Variants in COL11A2 observed in about 807,000 individuals in gnomAD.
COL11A2 encodes the protein collagen alpha-2(XI) chain.
A neutral mutation model predicts 273.4 loss-of-function variants in COL11A2; 116 were observed. The ratio of observed to expected loss-of-function variants is 0.42; its 90% confidence interval spans 0.36 to 0.49. The LOEUF (loss-of-function observed/expected upper bound fraction) is 0.49. Ranked by LOEUF, COL11A2 falls within the 20% of genes least tolerant of loss-of-function variation. The pLI is 0.00. For missense variants in COL11A2, 1,866 were observed against 2,309.0 expected (o/e 0.81, Z 3.93); for synonymous variants, 782 against 864.2 (o/e 0.90, Z 1.67).
chr6:33,170,838 T>C lies in COL11A2; in HGVS notation c.3446A>G (p.Asn1149Ser), dbSNP rs754703121. 2.3e-5 allele frequency: 37 copies of C among 1,612,554 alleles called. No homozygotes were observed. Among genetic ancestry groups the C allele is most frequent in the East Asian group, 8.9e-5 (4 of 44,866 alleles). The change falls in exon 46 of 66, where the codon AAT (asparagine) becomes AGT (serine). Residue 1149 changes from asparagine to serine, a missense_variant. Asn to Ser is a conservative substitution (Grantham distance 46). Transcript: ENST00000341947. The surrounding 1 kb of genome is among the most constrained non-coding windows in gnomAD (Gnocchi z 4.3). ...AKGDEGTRGFNGPPGPIGLQG... is the reference protein window; with the variant it reads ...AKGDEGTRGFSGPPGPIGLQG... ...TAGGCCAATGGGTCCTGGGGGCCCA[T>C]TGAATCCTCTTGTTCCTTCATCACC... is the stretch of plus-strand genomic sequence containing the variant.
At chr6:33,183,047 G>A (rs1771926587) in intron 8 of COL11A2, among the ~76,000 whole-genome samples, 1 of 152,178 alleles carries the variant, frequency 6.6e-6, no homozygotes, top group Admixed American at 6.5e-5. Context: ...AGGGAGGCAA[G>A]AGAGGGGAGG....
chr6:33,174,265 G>T (rs772654610), intron 31 of COL11A2, 47 bp from the exon 32 acceptor site: 2 of 1,550,948 alleles, frequency 1.3e-6, no homozygotes, highest in South Asian at 2.4e-5. Context: ...ATGAAAGGTA[G>T]GGTTCAGGAA....
In COL11A2 at chr6:33,173,041, C is replaced by T; in HGVS notation, c.2790+19G>A. On this transcript the variant is annotated intron_variant, in intron 38 of 65. Coordinates refer to ENST00000341947, the MANE Select transcript of COL11A2 (RefSeq NM_080680.3). The surrounding 1 kb of genome is among the most constrained non-coding windows in gnomAD (Gnocchi z 6.3). ...AATGCTAGGGTCAGGGGTCCATTCT[C>T]TCCTAGGGACAAACCTACCTGAGGT... is the stretch of plus-strand genomic sequence containing the variant. 1 of 1,612,036 alleles carries T rather than the reference C, an allele frequency of 6.2e-7. No individual in the cohort carries two copies. Among genetic ancestry groups the T allele is most frequent in the Non-Finnish European group, 8.5e-7 (1 of 1,179,406 alleles).
chr6:33,181,518 A>G (rs1185324191), intron 8 of COL11A2, among the ~76,000 whole-genome samples: 1 of 152,080 alleles, frequency 6.6e-6, no homozygotes, highest in East Asian at 1.9e-4. Flanking sequence ...TCTGTCACCC[A>G]GGCTGAAGTA....
rs750593125 is a variant in COL11A2 at position 33,171,584 on chromosome 6, A to T, written c.3151-10T>A. 2 of 1,612,578 alleles carry T rather than the reference A, an allele frequency of 1.2e-6. No homozygotes were observed. The highest frequency in any genetic ancestry group is 2.2e-5 in the South Asian group (2 of 90,932). On this transcript the variant is annotated splice_polypyrimidine_tract_variant and intron_variant, in intron 42 of 65. Transcript: ENST00000341947. ...TGGGGCCCTTCTCACCCTGTGGGAC[A>T]GGAGGAAGGAGTCATGGCCTGGAGG...
chr6:33,166,312 A>G lies in COL11A2; in HGVS notation c.4393-106T>C. 1 of 1,419,066 alleles carries G rather than the reference A, an allele frequency of 7.0e-7. No individual in the cohort carries two copies. The highest frequency in any genetic ancestry group is 9.6e-7 in the Non-Finnish European group (1 of 1,040,272). 87.9% of individuals were successfully genotyped at this position (1,419,066 alleles called of 1,614,324 possible). A position where few individuals can be genotyped will look rare whatever the true frequency, so the allele number is the denominator to read the frequency against. ...GTCCACAGGAGCCTCGGGTTACTAC[A>G]GGAGGGGCAGTCTTGTGGGAATACT... is the stretch of plus-strand genomic sequence containing the variant. On this transcript the variant is annotated intron_variant, in intron 60 of 65. Coordinates refer to ENST00000341947, the MANE Select transcript of COL11A2 (RefSeq NM_080680.3). This position sits in a 1 kb window ranked among gnomAD's most constrained non-coding sequence, Gnocchi z 4.8.
chr6:33,163,575 TCCC>T lies in COL11A2; in HGVS notation c.*100_*102del. On this transcript the variant is annotated 3_prime_UTR_variant, in exon 66 of 66. Coordinates refer to ENST00000341947, the MANE Select transcript of COL11A2 (RefSeq NM_080680.3). The surrounding 1 kb of genome is among the most constrained non-coding windows in gnomAD (Gnocchi z 4.1). ...GGCTCTCCACGCCCTGGCCCAGGGCTCCCTAGATAGTGAGGAGCCCTCTTGGGA... is the reference window on the plus strand; with the variant it reads ...GGCTCTCCACGCCCTGGCCCAGGGCTTAGATAGTGAGGAGCCCTCTTGGGA... 6.3e-7 allele frequency: 1 copy of T among 1,582,880 alleles called. No homozygotes were observed. The highest frequency in any genetic ancestry group is 8.7e-7 in the Non-Finnish European group (1 of 1,153,522).
Position 33,178,480 on chromosome 6 carries a change from A to C in COL11A2, c.1728T>G (p.Thr576=), listed in dbSNP as rs755063358. 30 of 1,612,802 alleles carry C rather than the reference A, an allele frequency of 1.9e-5. No homozygotes were observed. Among genetic ancestry groups the C allele is most frequent in the Non-Finnish European group, 2.5e-5 (30 of 1,179,974 alleles). Residue 576 remains threonine, a synonymous_variant, in exon 19 of 66, where the codon ACT becomes ACG. Transcript: ENST00000341947. This position sits in a 1 kb window ranked among gnomAD's most constrained non-coding sequence, Gnocchi z 4.6. Reference sequence around the variant, plus strand: ...GGGGACCAGGAAGGCCCTGGGCACCAGTATCACCCTGCAAAATGGGGGAAC... The same window carrying C: ...GGGGACCAGGAAGGCCCTGGGCACCCGTATCACCCTGCAAAATGGGGGAAC... ...LPGEKGHRGD[T]GAQGLPGPPG...
intron 4 of COL11A2, among the ~76,000 whole-genome samples, chr6:33,187,178 T>A (rs1772541087): frequency 6.6e-6 from 1 of 152,214 alleles, no homozygotes; most frequent in African/African-American, 2.4e-5. Flanking sequence ...TGGCAATGCA[T>A]GAGCCCTTCC....
Position 33,192,465 on chromosome 6 carries a change from T to G in COL11A2, c.-225A>C. On this transcript the variant is annotated 5_prime_UTR_variant, in exon 1 of 66. Transcript: ENST00000341947. ...CCCTCCTCGGTGGCTGCCGCTTCTG[T>G]GTGTCCCCGGCCACCCTGGCGCCCA... is the stretch of plus-strand genomic sequence containing the variant. The G allele has an allele frequency of 1.7e-6, 1 of 586,022 alleles. No homozygotes were observed. Among genetic ancestry groups the G allele is most frequent in the Non-Finnish European group, 3.0e-6 (1 of 328,768 alleles). The allele number at this position is 586,022 out of a possible 1,614,324, so 36.3% of individuals were successfully genotyped here.
Position 33,170,094 on chromosome 6 carries a change from G to T in COL11A2, c.3589C>A (p.Gln1197Lys). 1 of 1,613,048 alleles carries T rather than the reference G, an allele frequency of 6.2e-7. No homozygotes were observed. The highest frequency in any genetic ancestry group is 8.5e-7 in the Non-Finnish European group (1 of 1,180,032). Residue 1197 changes from glutamine to lysine, a missense_variant, in exon 49 of 66, where the codon CAA (glutamine) becomes AAA (lysine). By Grantham distance (53) the Gln-to-Lys change is moderately conservative. Transcript: ENST00000341947. This position sits in a 1 kb window ranked among gnomAD's most constrained non-coding sequence, Gnocchi z 4.3. ...TTCCCAACACCTCCTGGGGGACCTT[G>T]TGGGCCCTGGAAGAGGAACAGAAAT... ...PAGPNGADGP[Q>K]GPPGGVGNLG...
In COL11A2 at chr6:33,172,883, C is replaced by T. The variant is rs552383229; in HGVS notation, c.2790+177G>A. 1.3e-3 allele frequency among the ~76,000 whole-genome samples: 195 copies of T among 152,244 alleles called. 1 individual carries two copies. The highest frequency in any genetic ancestry group is 2.5e-3 in the South Asian group (12 of 4,822). ...CCTGGGGGACAAGACGATGAGAATG[C>T]GCCCCAAAACAGACTGAAGTTCAGG... is the stretch of plus-strand genomic sequence containing the variant. On this transcript the variant is annotated intron_variant, in intron 38 of 65. Transcript: ENST00000341947.
intron 52 of COL11A2, 57 bp downstream of exon 52, chr6:33,168,898 A>G: frequency 1.3e-6 from 2 of 1,519,602 alleles, no homozygotes; most frequent in Non-Finnish European, 9.1e-7. Context: ...CACACAGAGG[A>G]CCCCCCCATA....
chr6:33,175,745 A>T, intron 29 of COL11A2, 64 bp from the exon 30 acceptor site: 1 of 1,489,174 alleles, frequency 6.7e-7, no homozygotes, highest in Non-Finnish European at 9.4e-7. Flanking sequence ...CCCAGAGGAG[A>T]AATGGGCAAC....
At chr6:33,192,103 A>T in intron 1 of COL11A2, 56 bp downstream of exon 1, 7 of 1,498,900 alleles carry the variant, frequency 4.7e-6, no homozygotes. Flanking sequence ...CCCTTCCCAG[A>T]GACACTCAGA....
rs147527758 is a variant in COL11A2 at position 33,184,298 on chromosome 6, G to A, written c.966C>T (p.Pro322=). Residue 322 remains proline, a synonymous_variant, in exon 8 of 66, where the codon CCC becomes CCT. Coordinates refer to ENST00000341947, the MANE Select transcript of COL11A2 (RefSeq NM_080680.3). ...EEEQTDLQVP[P]TADRFQAEEY... ...CCTCTGCCTGGAACCTGTCGGCTGT[G>A]GGGGGGACCTGGAGATCTGTCTGCT... 25 of 1,367,328 alleles carry A rather than the reference G, an allele frequency of 1.8e-5. No homozygotes were observed. Among genetic ancestry groups the A allele is most frequent in the African/African-American group, 1.6e-4 (11 of 67,828 alleles). The allele number at this position is 1,367,328 out of a possible 1,614,324, so 84.7% of individuals were successfully genotyped here. A position where few individuals can be genotyped will look rare whatever the true frequency, so the allele number is the denominator to read the frequency against.
In COL11A2 at chr6:33,177,353, A is replaced by G; in HGVS notation, c.1971+59T>C. 3 of 1,606,530 alleles carry G rather than the reference A, an allele frequency of 1.9e-6. No homozygotes were observed. The highest frequency in any genetic ancestry group is 2.6e-6 in the Non-Finnish European group (3 of 1,174,422). On this transcript the variant is annotated intron_variant, in intron 23 of 65. Coordinates refer to ENST00000341947, the MANE Select transcript of COL11A2 (RefSeq NM_080680.3). This position sits in a 1 kb window ranked among gnomAD's most constrained non-coding sequence, Gnocchi z 5.9. ...CCTGTATCCTTCCAGGGTCTCACCC[A>G]TTGTGGAAGCCCAAGGGAAGTCATG... is the stretch of plus-strand genomic sequence containing the variant.
Position 33,177,937 on chromosome 6 carries a change from C to T in COL11A2, c.1872+195G>A. 1 of 764,828 alleles carries T rather than the reference C, an allele frequency of 1.3e-6. No homozygotes were observed. Among genetic ancestry groups the T allele is most frequent in the Non-Finnish European group, 2.1e-6 (1 of 465,296 alleles). The allele number at this position is 764,828 out of a possible 1,614,324, so 47.4% of individuals were successfully genotyped here. On this transcript the variant is annotated intron_variant, in intron 21 of 65. Coordinates refer to ENST00000341947, the MANE Select transcript of COL11A2 (RefSeq NM_080680.3). This position sits in a 1 kb window ranked among gnomAD's most constrained non-coding sequence, Gnocchi z 5.9. Reference sequence around the variant, plus strand: ...TTTCCTATGCCCAGAGCCCTCAGGGCACCACGCCACATGGCCCTCCCTGTG... The same window carrying T: ...TTTCCTATGCCCAGAGCCCTCAGGGTACCACGCCACATGGCCCTCCCTGTG...
rs1772809186 is a variant in COL11A2, at chr6:33,189,303, C to A, written c.232+17G>T. ...CCATTACCTCCCCCCAGGCCTACCCCACCATGTCACCCATACCTGGGAAAA... is the reference window on the plus strand; with the variant it reads ...CCATTACCTCCCCCCAGGCCTACCCAACCATGTCACCCATACCTGGGAAAA... On this transcript the variant is annotated intron_variant, in intron 2 of 65. Coordinates refer to ENST00000341947, the MANE Select transcript of COL11A2 (RefSeq NM_080680.3). This position sits in a 1 kb window ranked among gnomAD's most constrained non-coding sequence, Gnocchi z 5.6. 1 of 1,613,872 alleles carries A rather than the reference C, an allele frequency of 6.2e-7. No homozygotes were observed. Among genetic ancestry groups the A allele is most frequent in the East Asian group, 2.2e-5 (1 of 44,900 alleles).
Sources: allele counts gnomAD v4.1 joint callset (sites outside exome capture counted in the v4.1 genomes callset), GRCh38; gene constraint gnomAD v4.1.1; non-coding constraint Gnocchi (gnomAD v3.1); transcripts MANE v1.5; gene names NCBI Gene and HGNC (gene_info 2026-07-23, HGNC 2026-07-21).